RALGPS1: variants seen among roughly 807,000 people sequenced by gnomAD.
RALGPS1 encodes the protein Ral GEF with PH domain and SH3 binding motif 1.
RALGPS1 carries 19 observed loss-of-function variants against 78.8 expected under a neutral mutation model. The ratio of observed to expected loss-of-function variants is 0.24; its 90% CI spans 0.17 to 0.35. The LOEUF is 0.35. RALGPS1 is among the 10% of genes least tolerant of loss of function. The pLI is 1.00. For synonymous variants in RALGPS1, 228 were observed against 256.3 expected (o/e 0.89, Z 1.06); for missense variants, 454 against 688.3 (o/e 0.66, Z 3.81).
chr9:126,923,180 C>T (rs1364558754), intron 1 of RALGPS1, among the ~76,000 whole-genome samples: 3 of 152,206 alleles, frequency 2.0e-5, no homozygotes, highest in Non-Finnish European at 1.5e-5. Flanking sequence ...TATACAATAT[C>T]TCAACCCTTT....
At chr9:126,965,373 G>A (rs552871290) in intron 2 of RALGPS1, among the ~76,000 whole-genome samples, 1 of 152,296 alleles carries the variant, frequency 6.6e-6, no homozygotes, top group East Asian at 1.9e-4. Context: ...AAGACATCAT[G>A]AGGCAGATTG....
intron 8 of RALGPS1, chr9:127,108,844 G>C: frequency 2.5e-6 from 3 of 1,187,376 alleles, no homozygotes; most frequent in Non-Finnish European, 3.5e-6. Flanking sequence ...TGTGCCATCA[G>C]TGATCCCAGC....
chr9:127,066,948 C>G (rs989699068), intron 7 of RALGPS1, among the ~76,000 whole-genome samples: 1 of 152,124 alleles, frequency 6.6e-6, no homozygotes, highest in African/African-American at 2.4e-5. Context: ...TTCAGTCTCC[C>G]AAGTAGCTCA....
chr9:126,940,441 A>ACT (rs2036657094), intron 1 of RALGPS1, among the ~76,000 whole-genome samples: 1 of 134,814 alleles, frequency 7.4e-6, no homozygotes, highest in Non-Finnish European at 1.6e-5. Flanking sequence ...TATATATATA[A>ACT]TTTTTTTTTT....
At chr9:127,044,361 A>G (rs1268546298) in intron 5 of RALGPS1, among the ~76,000 whole-genome samples, 3 of 152,092 alleles carry the variant, frequency 2.0e-5, no homozygotes, top group Non-Finnish European at 1.5e-5. Context: ...GGTTCAAGCA[A>G]TTCTCCTGCC....
intron 1 of RALGPS1, among the ~76,000 whole-genome samples, chr9:126,921,492 G>T (rs2034750005): frequency 6.6e-6 from 1 of 152,244 alleles, no homozygotes; most frequent in African/African-American, 2.4e-5. Context: ...GCTTGCTGAG[G>T]AGCGCAGAGA....
At chr9:127,034,338 A>G in intron 4 of RALGPS1, 93 bp from the exon 5 acceptor site, 1 of 1,146,596 alleles carries the variant, frequency 8.7e-7, no homozygotes, top group East Asian at 2.4e-5. Context: ...GCCCTTTCCC[A>G]CCTTCATGCA....
intron 8 of RALGPS1, among the ~76,000 whole-genome samples, chr9:127,071,145 T>C (rs1441177486): frequency 1.3e-5 from 2 of 151,778 alleles, no homozygotes; most frequent in African/African-American, 4.8e-5. Flanking sequence ...TATATTTGCT[T>C]TAGTATTTCT....
intron 7 of RALGPS1, 107 bp from the exon 8 acceptor site, chr9:127,069,123 C>A (rs1323069351): frequency 3.5e-6 from 4 of 1,131,988 alleles, no homozygotes; most frequent in Admixed American, 4.6e-5. Context: ...ATTCGGCACA[C>A]CATAGATATG....
intron 11 of RALGPS1, among the ~76,000 whole-genome samples, chr9:127,184,650 T>G (rs1217098507): frequency 6.6e-6 from 1 of 152,224 alleles, no homozygotes; most frequent in Non-Finnish European, 1.5e-5. Context: ...AGTCACCGTG[T>G]GCACCAGAGG....
intron 11 of RALGPS1, 142 bp downstream of exon 11, chr9:127,174,924 C>A: frequency 1.4e-6 from 1 of 695,786 alleles, no homozygotes. Flanking sequence ...AGCCCTCCTG[C>A]ACCAGCCTGC....
chr9:127,133,591 C>T (rs2057170909), intron 8 of RALGPS1, among the ~76,000 whole-genome samples: 1 of 152,228 alleles, frequency 6.6e-6, no homozygotes, highest in Non-Finnish European at 1.5e-5. Context: ...CTGCCCTTGC[C>T]TTTCTTCCTC....
chr9:126,996,615 T>A (rs1445320865), intron 4 of RALGPS1, among the ~76,000 whole-genome samples: 1 of 152,242 alleles, frequency 6.6e-6, no homozygotes, highest in Non-Finnish European at 1.5e-5. Flanking sequence ...AAAGAGGAGC[T>A]GATACCAATC....
At chr9:127,119,035 C>T (rs2055761092) in intron 8 of RALGPS1, among the ~76,000 whole-genome samples, 1 of 152,116 alleles carries the variant, frequency 6.6e-6, no homozygotes, top group African/African-American at 2.4e-5. Flanking sequence ...TCACATGGAC[C>T]AGTGTTTCCC....
At chr9:127,024,566 C>T (rs1201251234) in intron 4 of RALGPS1, among the ~76,000 whole-genome samples, 1 of 151,922 alleles carries the variant, frequency 6.6e-6, no homozygotes, top group Non-Finnish European at 1.5e-5. Flanking sequence ...CATCAAACAA[C>T]ACTTATTATT....
chr9:126,959,673 T>C (rs912648894), intron 1 of RALGPS1, among the ~76,000 whole-genome samples: 2 of 152,064 alleles, frequency 1.3e-5, no homozygotes, highest in Admixed American at 6.6e-5. Flanking sequence ...AACTCCTCTA[T>C]ACCCTCTTGA....
At chr9:127,074,646 G>A (rs1438477642) in intron 8 of RALGPS1, among the ~76,000 whole-genome samples, 1 of 152,246 alleles carries the variant, frequency 6.6e-6, no homozygotes, top group Non-Finnish European at 1.5e-5. Context: ...TGCATTGTTT[G>A]CTTTCTCTGT....
intron 14 of RALGPS1, among the ~76,000 whole-genome samples, chr9:127,203,636 C>T (rs1311857098): frequency 6.6e-6 from 1 of 152,174 alleles, no homozygotes; most frequent in Non-Finnish European, 1.5e-5. Flanking sequence ...GCCCATTCCT[C>T]TTCCTGCTCT....
intron 3 of RALGPS1, among the ~76,000 whole-genome samples, chr9:126,975,711 T>C (rs1416504423): frequency 6.6e-6 from 1 of 152,148 alleles, no homozygotes; most frequent in African/African-American, 2.4e-5. Flanking sequence ...AGGCCAAACA[T>C]AGACCTATAG....
Sources: gnomAD v4.1 joint callset for allele counts (sites outside exome capture counted in the v4.1 genomes callset) on GRCh38, gnomAD v4.1.1 for gene constraint, MANE v1.5 for transcripts, NCBI Gene and HGNC (gene_info 2026-07-23, HGNC 2026-07-21) for gene names.